HMGB1: variants seen among roughly 807,000 people sequenced by gnomAD.
HMGB1 encodes the protein high mobility group protein B1.
For missense variants in HMGB1, 79 were observed against 253.5 expected, an observed-to-expected ratio of 0.31 and a Z score of 4.67; for synonymous variants, 81 against 84.0, an observed-to-expected ratio of 0.96 and a Z score of 0.19.
chr13:30,464,281 C>T (rs561996418), intron 1 of HMGB1: 377 of 985,440 alleles, frequency 3.8e-4, no homozygotes, highest in Non-Finnish European at 4.4e-4. Context: ...CGCGAGGCAG[C>T]CTCGTTTCCT....
rs56119368 is a variant in HMGB1 at position 30,458,560 on chromosome 13, A to T, written c.*2797T>A. ...TAGCCAGGATGGTCTCAATCTCCTG[A>T]CCTCGTGATCTGCCCGCCTTGGCCT... On this transcript the variant is annotated 3_prime_UTR_variant, in exon 5 of 5. Transcript: ENST00000341423. 2.0e-5 allele frequency: 3 copies of T among 152,062 alleles called. No individual in the cohort carries two copies. Among genetic ancestry groups the T allele is most frequent in the Non-Finnish European group, 4.4e-5 (3 of 68,068 alleles). 9.4% of individuals were successfully genotyped at this position (152,062 alleles called of 1,614,324 possible). A position where few individuals can be genotyped will look rare whatever the true frequency, so the allele number is the denominator to read the frequency against.
chr13:30,554,315 T>G, intron 1 of HMGB1: 1 of 1,036,046 alleles, frequency 9.7e-7, no homozygotes, highest in Non-Finnish European at 1.5e-6. Context: ...AGTGATCCAT[T>G]GTAGCGAAGG....
intron 1 of HMGB1, among the ~76,000 whole-genome samples, chr13:30,551,382 T>C (rs759888497): frequency 7.2e-5 from 11 of 152,210 alleles, no homozygotes; most frequent in Admixed American, 1.3e-4. Flanking sequence ...TCCTGTTGAC[T>C]CTTCTGCCCT....
At chr13:30,582,762 C>A (rs564799148) in intron 1 of HMGB1, among the ~76,000 whole-genome samples, 3 of 152,162 alleles carry the variant, frequency 2.0e-5, no homozygotes, top group African/African-American at 7.2e-5. Context: ...CCCCACGTAA[C>A]GACAGGTATT....
At chr13:30,484,295 C>T (rs1372928039) in intron 1 of HMGB1, among the ~76,000 whole-genome samples, 2 of 152,184 alleles carry the variant, frequency 1.3e-5, no homozygotes, top group Non-Finnish European at 2.9e-5. Flanking sequence ...CCCATTTTCC[C>T]CAGCATCTAA....
intron 1 of HMGB1, among the ~76,000 whole-genome samples, chr13:30,511,094 CA>C (rs1208577572): frequency 6.6e-6 from 1 of 152,120 alleles, no homozygotes. Flanking sequence ...CTTATAAACA[CA>C]CACCTAAAAC....
chr13:30,488,533 G>T (rs1462224041), intron 1 of HMGB1, among the ~76,000 whole-genome samples: 1 of 151,890 alleles, frequency 6.6e-6, no homozygotes, highest in East Asian at 1.9e-4. Context: ...GCCCAGGCTG[G>T]AGTGCAGTGG....
intron 1 of HMGB1, among the ~76,000 whole-genome samples, chr13:30,510,523 C>T (rs1229386306): frequency 6.6e-6 from 1 of 150,878 alleles, no homozygotes; most frequent in Non-Finnish European, 1.5e-5. Flanking sequence ...TTTGCCTATT[C>T]CTTTCAAGCT....
chr13:30,541,045 A>G (rs993514699), intron 1 of HMGB1: 9 of 152,216 alleles, frequency 5.9e-5, no homozygotes, highest in African/African-American at 2.2e-4. Flanking sequence ...AATGGATCAA[A>G]AAATATGTTC....
chr13:30,479,252 C>G (rs1025092888), intron 1 of HMGB1, among the ~76,000 whole-genome samples: 16 of 152,170 alleles, frequency 1.1e-4, no homozygotes, highest in African/African-American at 3.9e-4. Context: ...CTCTTCTGCT[C>G]TCTTTAAGAC....
chr13:30,511,137 T>C (rs7983132), intron 1 of HMGB1, among the ~76,000 whole-genome samples: 151,770 of 152,312 alleles, frequency 1, 75,618 homozygotes, highest in Middle Eastern at 1. Context: ...ATACCTGAAA[T>C]GCTGCCAGTA....
chr13:30,506,462 C>T (rs1430574365), intron 1 of HMGB1, among the ~76,000 whole-genome samples: 3 of 152,218 alleles, frequency 2.0e-5, no homozygotes, highest in Non-Finnish European at 4.4e-5. Flanking sequence ...TTCTCTATCA[C>T]TGACCCCTCT....
chr13:30,464,668 G>A (rs1380852394), intron 1 of HMGB1: 4 of 981,700 alleles, frequency 4.1e-6, no homozygotes, highest in South Asian at 4.7e-5. Flanking sequence ...GGCCGCCGGG[G>A]CCGGCGCGCA....
intron 1 of HMGB1, among the ~76,000 whole-genome samples, chr13:30,613,049 T>C (rs1950527396): frequency 6.6e-6 from 1 of 152,194 alleles, no homozygotes; most frequent in African/African-American, 2.4e-5. Context: ...TAATGCAAAT[T>C]TGAGTAAATT....
At chr13:30,588,831 C>T (rs1217275871) in intron 1 of HMGB1, among the ~76,000 whole-genome samples, 4 of 151,688 alleles carry the variant, frequency 2.6e-5, no homozygotes, top group African/African-American at 7.3e-5. Context: ...GCAGGAGACT[C>T]GCTTGAATCT....
chr13:30,600,434 C>A (rs115242832), intron 1 of HMGB1, among the ~76,000 whole-genome samples: 2 of 151,940 alleles, frequency 1.3e-5, no homozygotes, highest in South Asian at 2.1e-4. Context: ...AAAAACATTC[C>A]GTCATCTAAT....
chr13:30,573,346 G>T (rs1336638379), intron 1 of HMGB1, among the ~76,000 whole-genome samples: 6 of 152,150 alleles, frequency 3.9e-5, no homozygotes, highest in Non-Finnish European at 7.3e-5. Context: ...TGTACACCAG[G>T]ATAGCTTCTC....
At chr13:30,545,703 G>GACAA (rs1869122208) in intron 1 of HMGB1, among the ~76,000 whole-genome samples, 1 of 151,996 alleles carries the variant, frequency 6.6e-6, no homozygotes, top group Non-Finnish European at 1.5e-5. Context: ...GTTTGTTTGT[G>GACAA]GGTTTTTCTT....
intron 1 of HMGB1, among the ~76,000 whole-genome samples, chr13:30,497,816 T>C (rs996035893): frequency 1.3e-5 from 2 of 152,212 alleles, no homozygotes; most frequent in Non-Finnish European, 2.9e-5. Context: ...TAGTATTCCA[T>C]GGTGTAAATG....
Sources: allele counts gnomAD v4.1 joint callset (sites outside exome capture counted in the v4.1 genomes callset), GRCh38; gene constraint gnomAD v4.1.1; transcripts MANE v1.5; gene names NCBI Gene and HGNC (gene_info 2026-07-23, HGNC 2026-07-21).